The following GRIK2 variants were observed in gnomAD, a reference collection of about 807,000 sequenced individuals.
GRIK2 encodes the protein glutamate receptor ionotropic, kainate 2.
GRIK2 carries 32 observed loss-of-function variants against 100.3 expected under a neutral mutation model. The observed-to-expected ratio is 0.32, with a 90% CI of 0.24 to 0.43. GRIK2 has a LOEUF of 0.43. GRIK2 is among the 20% of genes least tolerant of loss of function. The probability of loss-of-function intolerance (pLI) is 1.00; values close to 1 mark genes in which losing one functional copy is unlikely to be tolerated. For missense variants in GRIK2, 843 were observed against 1,114.9 expected, an observed-to-expected ratio of 0.76 and a Z score of 3.47; for synonymous variants, 417 against 389.4, an observed-to-expected ratio of 1.07 and a Z score of -0.83.
intron 13 of GRIK2, among the ~76,000 whole-genome samples, chr6:101,925,958 A>G (rs1789862003): frequency 6.6e-6 from 1 of 151,784 alleles, no homozygotes; most frequent in Non-Finnish European, 1.5e-5. Context: ...AATAATCTTT[A>G]ATACATATTG....
rs117488925 is a variant in GRIK2, at chr6:101,414,042, G to C, written c.115+14650G>C. Among the ~76,000 whole-genome samples the C allele has an allele frequency of 1.1e-4, 15 of 133,390 alleles. No homozygotes were observed. In the East Asian group the frequency reaches 3.2e-3, roughly 28 times the overall value. The allele number at this position is 133,390 out of a possible 152,430, so 87.5% of individuals were successfully genotyped here. A position where few individuals can be genotyped will look rare whatever the true frequency, so the allele number is the denominator to read the frequency against. On this transcript the variant is annotated intron_variant, in intron 2 of 16. Transcript: ENST00000369134. ...CAATAATTTGAAAATAAAAAGAACT[G>C]GTCTCTGCATCAAGAAGGATATCAT...
intron 14 of GRIK2, among the ~76,000 whole-genome samples, chr6:101,955,613 TCTC>T (rs1467994218): frequency 9.0e-5 from 9 of 99,552 alleles, no homozygotes; most frequent in African/African-American, 2.3e-4. Context: ...TCTCTCTCTC[TCTC>T]CCCCCCATTT....
intron 14 of GRIK2, among the ~76,000 whole-genome samples, chr6:101,965,577 A>C (rs1792611443): frequency 6.6e-6 from 1 of 152,214 alleles, no homozygotes; most frequent in Non-Finnish European, 1.5e-5. Flanking sequence ...TTTATGTAAG[A>C]TATAGCTCAG....
At chr6:101,835,734 G>T (rs1019435417) in intron 10 of GRIK2, among the ~76,000 whole-genome samples, 4 of 146,850 alleles carry the variant, frequency 2.7e-5, no homozygotes, top group Non-Finnish European at 4.5e-5. Context: ...CAAAGTGCTG[G>T]GATTACAGCC....
At chr6:101,729,986 G>C (rs1775147364) in intron 7 of GRIK2, among the ~76,000 whole-genome samples, 1 of 151,916 alleles carries the variant, frequency 6.6e-6, no homozygotes, top group African/African-American at 2.4e-5. Context: ...TTATTTGTAA[G>C]TTATTTGTAA....
At chr6:101,930,916 T>C (rs1400888132) in intron 14 of GRIK2, among the ~76,000 whole-genome samples, 1 of 152,106 alleles carries the variant, frequency 6.6e-6, no homozygotes, top group African/African-American at 2.4e-5. Flanking sequence ...ACAGCACATA[T>C]ATTATTTCTT....
intron 10 of GRIK2, among the ~76,000 whole-genome samples, chr6:101,846,316 T>A (rs1783809593): frequency 6.6e-6 from 1 of 152,120 alleles, no homozygotes; most frequent in Non-Finnish European, 1.5e-5. Flanking sequence ...TCATGATAAC[T>A]TTGGATTAAT....
intron 2 of GRIK2, among the ~76,000 whole-genome samples, chr6:101,518,382 A>C (rs900387346): frequency 6.6e-6 from 1 of 152,142 alleles, no homozygotes; most frequent in African/African-American, 2.4e-5. Flanking sequence ...CTTTTTTTAA[A>C]GGTGTAATCT....
At chr6:101,782,653 G>A (rs1779169572) in intron 7 of GRIK2, among the ~76,000 whole-genome samples, 1 of 152,078 alleles carries the variant, frequency 6.6e-6, no homozygotes. Flanking sequence ...ATTGCAAATA[G>A]TGTTAAATAA....
chr6:101,828,694 C>T (rs922674242), intron 10 of GRIK2, among the ~76,000 whole-genome samples: 3 of 152,000 alleles, frequency 2.0e-5, no homozygotes, highest in African/African-American at 7.2e-5. Flanking sequence ...TATCTAGAAA[C>T]ACACAACCTT....
chr6:101,442,971 T>A (rs1239683242), intron 2 of GRIK2, among the ~76,000 whole-genome samples: 4 of 152,212 alleles, frequency 2.6e-5, no homozygotes, highest in African/African-American at 9.6e-5. Flanking sequence ...TTTCTTTTCC[T>A]ATAATGTTTA....
chr6:101,940,151 A>G (rs897885830), intron 14 of GRIK2, among the ~76,000 whole-genome samples: 1 of 152,184 alleles, frequency 6.6e-6, no homozygotes, highest in Non-Finnish European at 1.5e-5. Flanking sequence ...CAAAAGGATA[A>G]CACTTCCAAA....
intron 10 of GRIK2, among the ~76,000 whole-genome samples, chr6:101,837,408 A>G (rs1219481908): frequency 2.0e-5 from 3 of 152,216 alleles, no homozygotes; most frequent in Non-Finnish European, 4.4e-5. Context: ...TACCACACAC[A>G]CTAAGAGGTT....
chr6:101,485,331 C>T (rs1772762407), intron 2 of GRIK2, among the ~76,000 whole-genome samples: 2 of 152,272 alleles, frequency 1.3e-5, no homozygotes, highest in African/African-American at 2.4e-5. Context: ...GACTGTGATT[C>T]CAGTCCAGTC....
intron 2 of GRIK2, among the ~76,000 whole-genome samples, chr6:101,599,543 A>G (rs1297918488): frequency 1.3e-5 from 2 of 151,726 alleles, no homozygotes; most frequent in African/African-American, 4.8e-5. Context: ...AACAATGTAT[A>G]CACGTTCCCC....
chr6:101,753,282 C>CAAAAAA (rs774187168), intron 7 of GRIK2, among the ~76,000 whole-genome samples: 2 of 70,890 alleles, frequency 2.8e-5, no homozygotes, highest in Non-Finnish European at 6.9e-5. Flanking sequence ...GACTCCGTCT[C>CAAAAAA]AAAAAAAAAA....
At chr6:101,498,747 C>T (rs1773587676) in intron 2 of GRIK2, among the ~76,000 whole-genome samples, 1 of 151,840 alleles carries the variant, frequency 6.6e-6, no homozygotes, top group Non-Finnish European at 1.5e-5. Flanking sequence ...TGTTTGAGTT[C>T]ATTGTAGATT....
intron 2 of GRIK2, among the ~76,000 whole-genome samples, chr6:101,407,081 C>A (rs551332717): frequency 6.6e-6 from 1 of 152,214 alleles, no homozygotes; most frequent in South Asian, 2.1e-4. Context: ...AAGTAATGTT[C>A]TGCTTCTGAA....
intron 2 of GRIK2, among the ~76,000 whole-genome samples, chr6:101,493,066 G>A (rs1773226500): frequency 6.6e-6 from 1 of 151,910 alleles, no homozygotes; most frequent in African/African-American, 2.4e-5. Flanking sequence ...AACAGAATTA[G>A]TGAACTTAAA....
Sources: gnomAD v4.1 joint callset for allele counts (sites outside exome capture counted in the v4.1 genomes callset) on GRCh38, gnomAD v4.1.1 for gene constraint, MANE v1.5 for transcripts, NCBI Gene and HGNC (gene_info 2026-07-23, HGNC 2026-07-21) for gene names.